Variants in SGMS2 observed in about 807,000 individuals in gnomAD.
SGMS2 encodes sphingomyelin synthase 2, also known as phosphatidylcholine:ceramide cholinephosphotransferase 2.
A neutral mutation model predicts 43.8 loss-of-function variants in SGMS2; 21 were observed. The ratio of observed to expected loss-of-function variants is 0.48; its 90% CI spans 0.34 to 0.69. The LOEUF (loss-of-function observed/expected upper bound fraction) is 0.69, where lower values mean the gene tolerates loss of function less well. Ranked by LOEUF, SGMS2 falls within the 30% of genes least tolerant of loss-of-function variation. SGMS2 has a pLI of 0.01. For missense variants in SGMS2, 384 were observed against 443.2 expected (o/e 0.87, Z 1.20); for synonymous variants, 167 against 160.6 (o/e 1.04, Z -0.30).
At chr4:107,839,173 C>T (rs567649878) in intron 1 of SGMS2, among the ~76,000 whole-genome samples, 1 of 152,284 alleles carries the variant, frequency 6.6e-6, no homozygotes, top group Non-Finnish European at 1.5e-5. Flanking sequence ...GTGAAGACAT[C>T]TCTGAATTTA....
chr4:107,828,277 G>A (rs1196497363), intron 1 of SGMS2, among the ~76,000 whole-genome samples: 1 of 152,132 alleles, frequency 6.6e-6, no homozygotes, highest in African/African-American at 2.4e-5. Context: ...GCCAGGCAAC[G>A]TGACAGTTGC....
In SGMS2 at chr4:107,895,469, G is replaced by C; in HGVS notation, c.-85G>C. On this transcript the variant is annotated 5_prime_UTR_variant, in exon 3 of 7. Coordinates refer to ENST00000690982, the MANE Select transcript of SGMS2 (RefSeq NM_001375905.1). ...CATTGTAAGAGTCCATGTTGATCTT[G>C]GAAATAGAAGGATTGAAAAAAGCTA... The C allele has an allele frequency of 7.4e-7, 1 of 1,350,906 alleles. No individual in the cohort carries two copies. The highest frequency in any genetic ancestry group is 1.4e-5 in the South Asian group (1 of 70,210). The allele number at this position is 1,350,906 out of a possible 1,614,324, so 83.7% of individuals were successfully genotyped here.
intron 2 of SGMS2, among the ~76,000 whole-genome samples, chr4:107,863,052 G>T (rs1194548379): frequency 6.6e-6 from 1 of 152,190 alleles, no homozygotes. Context: ...TAGTTTTCAT[G>T]CTCCTACATG....
chr4:107,899,313 C>T (rs555898329), intron 3 of SGMS2, among the ~76,000 whole-genome samples: 1 of 152,170 alleles, frequency 6.6e-6, no homozygotes, highest in Non-Finnish European at 1.5e-5. Context: ...CCCACACACA[C>T]ACATCCTTTG....
chr4:107,874,021 T>C (rs1253440101), intron 2 of SGMS2: 1 of 152,184 alleles, frequency 6.6e-6, no homozygotes. Context: ...CTCATTTCTC[T>C]CTTCTGATCA....
chr4:107,910,377 T>A lies in SGMS2; in HGVS notation c.922T>A (p.Phe308Ile), dbSNP rs374312114. The A allele has an allele frequency of 5.0e-6, 8 of 1,614,000 alleles. No homozygotes were observed. Among genetic ancestry groups the A allele is most frequent in the African/African-American group, 2.7e-5 (2 of 74,918 alleles). The part of the protein sequence containing the change: ...KNLKVSSQTN[F>I]LSRAWWFPIF... ...CTTGAAGGTCTCTTCACAGACTAAT[T>A]TCTTATCTCGAGCATGGTGGTTCCC... The change falls in exon 7 of 7, where the codon TTC becomes ATC. Residue 308 changes from phenylalanine to isoleucine, a missense_variant. Physicochemically the swap from Phe to Ile is conservative, Grantham distance 21. Transcript: ENST00000690982.
intron 1 of SGMS2, among the ~76,000 whole-genome samples, chr4:107,848,549 T>G (rs1435072682): frequency 2.0e-5 from 3 of 152,134 alleles, no homozygotes; most frequent in Admixed American, 1.3e-4. Flanking sequence ...TGAATGAGAG[T>G]TCCTGTTGCT....
At chr4:107,909,643 C>G (rs1304694914) in intron 6 of SGMS2, among the ~76,000 whole-genome samples, 1 of 152,188 alleles carries the variant, frequency 6.6e-6, no homozygotes, top group African/African-American at 2.4e-5. Context: ...CTCTCTTCCT[C>G]TGGTCCGAAG....
intron 4 of SGMS2, among the ~76,000 whole-genome samples, chr4:107,900,060 A>G (rs148460829): frequency 1.3e-4 from 20 of 152,214 alleles, no homozygotes; most frequent in Admixed American, 1.3e-4. Context: ...AGGGATGACA[A>G]ATTATAAACA....
At chr4:107,876,438 A>G (rs1017171634) in intron 2 of SGMS2, among the ~76,000 whole-genome samples, 1 of 152,182 alleles carries the variant, frequency 6.6e-6, no homozygotes, top group Admixed American at 6.5e-5. Context: ...TTTTTGCTTA[A>G]AGGTAACTTT....
chr4:107,858,128 A>C (rs779293846), intron 1 of SGMS2, among the ~76,000 whole-genome samples: 1 of 150,806 alleles, frequency 6.6e-6, no homozygotes, highest in Non-Finnish European at 1.5e-5. Flanking sequence ...GACTTTTTTG[A>C]GTGACATTGA....
chr4:107,883,231 C>T (rs2126088414), intron 2 of SGMS2, among the ~76,000 whole-genome samples: 1 of 152,242 alleles, frequency 6.6e-6, no homozygotes, highest in Admixed American at 6.5e-5. Flanking sequence ...TGGCCTTTTC[C>T]CATTTTTTGA....
chr4:107,891,300 GA>G (rs1730197684), intron 2 of SGMS2, among the ~76,000 whole-genome samples: 1 of 132,482 alleles, frequency 7.5e-6, no homozygotes, highest in African/African-American at 3.1e-5. Context: ...AAGAAAAAGA[GA>G]AACAATAAAA....
intron 2 of SGMS2, among the ~76,000 whole-genome samples, chr4:107,866,426 C>T (rs1231706730): frequency 1.3e-5 from 2 of 151,898 alleles, no homozygotes; most frequent in South Asian, 2.1e-4. Context: ...ATTAGCCAGG[C>T]GTAGTGGTGT....
intron 2 of SGMS2, among the ~76,000 whole-genome samples, chr4:107,880,851 C>CAA (rs758313839): frequency 2.6e-4 from 11 of 42,942 alleles, no homozygotes; most frequent in East Asian, 1.1e-3. Context: ...GAGACTGTCT[C>CAA]AAAAAAAAAA....
chr4:107,862,726 C>A (rs955361427), intron 2 of SGMS2, among the ~76,000 whole-genome samples: 32 of 152,148 alleles, frequency 2.1e-4, no homozygotes, highest in African/African-American at 7.2e-4. Flanking sequence ...AATCAGCAGT[C>A]TAGTGTTGGG....
In SGMS2 at chr4:107,910,234, C is replaced by T. The variant is rs1220564773; in HGVS notation, c.895-116C>T. 1.3e-5 allele frequency: 11 copies of T among 831,938 alleles called. No homozygotes were observed. The East Asian group carries it at 2.9e-4, about 22-fold the overall frequency. 51.5% of individuals were successfully genotyped at this position (831,938 alleles called of 1,614,324 possible). ...GAAAGGACATGAAAATCATTACTGC[C>T]ATGTGATTCTGAATTCTGTTTTCCC... On this transcript the variant is annotated intron_variant, in intron 6 of 6. Transcript: ENST00000690982.
chr4:107,902,722 T>G (rs1270779704), intron 4 of SGMS2, among the ~76,000 whole-genome samples: 1 of 152,218 alleles, frequency 6.6e-6, no homozygotes, highest in Non-Finnish European at 1.5e-5. Context: ...TTAAATTATT[T>G]AATGAGTTGC....
chr4:107,888,187 G>A (rs1162619477), intron 2 of SGMS2, among the ~76,000 whole-genome samples: 1 of 152,118 alleles, frequency 6.6e-6, no homozygotes, highest in Non-Finnish European at 1.5e-5. Context: ...TACCTGGCCT[G>A]AAGATGGGGT....
Sources: allele counts gnomAD v4.1 joint callset (sites outside exome capture counted in the v4.1 genomes callset), GRCh38; gene constraint gnomAD v4.1.1; transcripts MANE v1.5; gene names NCBI Gene and HGNC (gene_info 2026-07-23, HGNC 2026-07-21).